The following ALMS1 variants were observed in gnomAD, a reference collection of about 807,000 sequenced individuals.
ALMS1 encodes ALMS1 centrosome and basal body associated protein.
In ALMS1, 271 loss-of-function variants were observed where a neutral mutation model predicts 352.2. The observed-to-expected ratio is 0.77, with a 90% CI of 0.70 to 0.85. ALMS1 has a LOEUF of 0.85. Among genes scored for constraint, ALMS1 ranks in the 40% least tolerant of loss-of-function variants. The pLI is 0.00. For synonymous variants in ALMS1, 1,865 were observed against 1,761.2 expected (o/e 1.06, Z -1.48); for missense variants, 5,445 against 4,870.7 (o/e 1.12, Z -3.51).
In ALMS1 at chr2:73,385,903, TGGAGGA is replaced by T. The variant is rs55889738; in HGVS notation, c.69_74del (p.Glu27_Glu28del). The T allele has an allele frequency of 0.29, 205,587 of 700,128 alleles. 21,830 individuals carry two copies. Among genetic ancestry groups the T allele is most frequent in the African/African-American group, 0.61 (33,968 of 55,636 alleles). The allele number at this position is 700,128 out of a possible 1,614,324, so 43.4% of individuals were successfully genotyped here. On this transcript the variant is annotated inframe_deletion, in exon 1 of 23. Transcript: ENST00000613296. ...GAGGATCTGCCATGGCCGGGCGAGC[TGGAGGA>T]GGAGGAGGAGGAGGAGGAGGAGGAG...
intron 11 of ALMS1, among the ~76,000 whole-genome samples, chr2:73,528,270 A>G (rs1353355852): frequency 1.3e-5 from 2 of 152,108 alleles, no homozygotes; most frequent in African/African-American, 2.4e-5. Context: ...CATTCAATGT[A>G]TCTTCGTTGA....
chr2:73,549,402 G>T (rs1488554421), intron 12 of ALMS1, among the ~76,000 whole-genome samples: 1 of 151,912 alleles, frequency 6.6e-6, no homozygotes, highest in Non-Finnish European at 1.5e-5. Flanking sequence ...CCGTTATGTT[G>T]CATTTTATAT....
intron 10 of ALMS1, among the ~76,000 whole-genome samples, chr2:73,493,080 A>G (rs997929357): frequency 2.4e-4 from 37 of 152,146 alleles, no homozygotes; most frequent in African/African-American, 8.9e-4. Flanking sequence ...TAAAAATGAG[A>G]TAAAGCTATG....
Position 73,453,587 on chromosome 2 carries a change from A to G in ALMS1, c.7060A>G (p.Ile2354Val). The change falls in exon 8 of 23, where the codon ATT becomes GTT. Residue 2354 changes from isoleucine (I) to valine (V), a missense_variant. Transcript: ENST00000613296. ...CRRGIENWEF[I>V]SSTTVRSPLQ... ...GAGAGGCATTGAAAATTGGGAGTTT[A>G]TTAGTTCAACTACAGTTAGAAGTCC... is the stretch of plus-strand genomic sequence containing the variant. 6.2e-7 allele frequency: 1 copy of G among 1,614,010 alleles called. No homozygotes were observed. The highest frequency in any genetic ancestry group is 2.2e-5 in the East Asian group (1 of 44,858).
chr2:73,426,868 TC>T (rs1397364621), intron 6 of ALMS1, among the ~76,000 whole-genome samples: 2 of 152,254 alleles, frequency 1.3e-5, no homozygotes, highest in East Asian at 3.8e-4. Flanking sequence ...TTGAAAAATT[TC>T]CAAATTTTAT....
intron 11 of ALMS1, among the ~76,000 whole-genome samples, chr2:73,529,039 GTTTT>G (rs34604396): frequency 2.0e-5 from 2 of 99,512 alleles, no homozygotes; most frequent in Admixed American, 1.1e-4. Flanking sequence ...CCTCAAAGCA[GTTTT>G]TTTTTTTTTT....
chr2:73,452,543 G>A lies in ALMS1; in HGVS notation c.6016G>A (p.Asp2006Asn), dbSNP rs1671968768. The A allele has an allele frequency of 4.3e-6, 7 of 1,614,030 alleles. No homozygotes were observed. The highest frequency in any genetic ancestry group is 1.3e-5 in the African/African-American group (1 of 75,026). The change falls in exon 8 of 23, where the codon GAC (aspartate) becomes AAC (asparagine). Residue 2006 changes from aspartate to asparagine, a missense_variant. Transcript: ENST00000613296. ...LKISTVHIPD[D>N]QKTEFPAATL... is the part of the protein sequence containing the mutation. Reference sequence around the variant, plus strand: ...GATTTCAACTGTGCATATACCAGATGACCAGAAAACTGAGTTTCCAGCAGC... The same window carrying A: ...GATTTCAACTGTGCATATACCAGATAACCAGAAAACTGAGTTTCCAGCAGC...
chr2:73,481,612 A>T (rs1261291159), intron 9 of ALMS1, among the ~76,000 whole-genome samples: 1 of 151,082 alleles, frequency 6.6e-6, no homozygotes, highest in Non-Finnish European at 1.5e-5. Flanking sequence ...AATTCTGTGA[A>T]GAAAGGCATT....
intron 11 of ALMS1, among the ~76,000 whole-genome samples, chr2:73,533,148 G>A (rs919930496): frequency 6.6e-6 from 1 of 152,190 alleles, no homozygotes; most frequent in African/African-American, 2.4e-5. Context: ...TGAAAGGAAG[G>A]ACCCTCTCCT....
At chr2:73,526,418 A>G (rs1014906899) in intron 11 of ALMS1, among the ~76,000 whole-genome samples, 2 of 152,172 alleles carry the variant, frequency 1.3e-5, no homozygotes, top group East Asian at 1.9e-4. Flanking sequence ...CTTCTAATTC[A>G]TGAACATGGA....
rs1438891911 is a variant in ALMS1 at position 73,555,784 on chromosome 2, C to T, written c.10079-1436C>T. 2.6e-5 allele frequency among the ~76,000 whole-genome samples: 4 copies of T among 152,010 alleles called. No individual in the cohort carries two copies. The East Asian group carries it at 7.7e-4, about 29-fold the overall frequency. On this transcript the variant is annotated intron_variant, in intron 13 of 22. Coordinates refer to ENST00000613296, the MANE Select transcript of ALMS1 (RefSeq NM_001378454.1). ...TTAAGTTGATCAACAGAGGTGTATT[C>T]GTATATATTAATACAGTAGAATAAT...
chr2:73,440,828 T>A (rs1671704808), intron 7 of ALMS1, among the ~76,000 whole-genome samples: 1 of 152,236 alleles, frequency 6.6e-6, no homozygotes, highest in Non-Finnish European at 1.5e-5. Context: ...AGACTTTGAT[T>A]CCTATTTATA....
chr2:73,591,375 A>G (rs373361355), intron 16 of ALMS1, among the ~76,000 whole-genome samples: 12 of 152,360 alleles, frequency 7.9e-5, no homozygotes, highest in African/African-American at 1.9e-4. Context: ...CTAGTTGCCA[A>G]TAAAGATTTT....
intron 19 of ALMS1, 65 bp downstream of exon 19, chr2:73,601,501 G>A (rs1193859565): frequency 1.3e-6 from 2 of 1,581,662 alleles, no homozygotes; most frequent in Non-Finnish European, 1.7e-6. Context: ...GCGCAGAGAA[G>A]CTGGCTCTGT....
chr2:73,403,383 G>A (rs905559083), intron 1 of ALMS1, among the ~76,000 whole-genome samples: 2 of 151,864 alleles, frequency 1.3e-5, no homozygotes, highest in African/African-American at 4.8e-5. Context: ...TGTTCCATTG[G>A]TTTACATGTC....
chr2:73,592,890 A>G (rs978560600), intron 16 of ALMS1, among the ~76,000 whole-genome samples: 1 of 152,228 alleles, frequency 6.6e-6, no homozygotes, highest in Non-Finnish European at 1.5e-5. Flanking sequence ...TTACTCTTGT[A>G]TAAGACAGCA....
chr2:73,486,914 G>A (rs919589418), intron 9 of ALMS1, among the ~76,000 whole-genome samples: 1 of 152,128 alleles, frequency 6.6e-6, no homozygotes, highest in African/African-American at 2.4e-5. Context: ...AATTAGCCCG[G>A]TGTAGTGGCA....
In ALMS1 at chr2:73,491,009, A is replaced by G. The variant is rs768218725; in HGVS notation, c.9050A>G (p.Asn3017Ser). 3.7e-6 allele frequency: 6 copies of G among 1,614,230 alleles called. No homozygotes were observed. The African/African-American group carries it at 5.3e-5, about 14-fold the overall frequency. The change falls in exon 10 of 23, where the codon AAT (asparagine) becomes AGT (serine). Residue 3017 changes from asparagine (N) to serine (S), a missense_variant. Physicochemically the swap from Asn to Ser is conservative, Grantham distance 46. Transcript: ENST00000613296. ...ISNINVEAKF[N>S]TVVSQSAPNH... ...AATATAAATGTTGAAGCCAAGTTCA[A>G]TACTGTGGTCTCCCAGTCAGCCCCA...
At chr2:73,484,919 G>T (rs1005913123) in intron 9 of ALMS1, among the ~76,000 whole-genome samples, 8 of 152,218 alleles carry the variant, frequency 5.3e-5, no homozygotes, top group Admixed American at 4.6e-4. Flanking sequence ...TTGTTTTTCA[G>T]CTCCATCAGC....
Sources: allele counts gnomAD v4.1 joint callset (sites outside exome capture counted in the v4.1 genomes callset), GRCh38; gene constraint gnomAD v4.1.1; transcripts MANE v1.5; gene names NCBI Gene and HGNC (gene_info 2026-07-23, HGNC 2026-07-21).